Variants in CLDN14 observed in about 807,000 individuals in gnomAD.
The protein encoded by CLDN14 is claudin-14.
CLDN14 carries 2 observed loss-of-function variants against 2.1 expected under a neutral mutation model. The ratio of observed to expected loss-of-function variants is 0.96; its 90% CI spans 0.39 to 3.01. The LOEUF is 3.01. Ranked by LOEUF, CLDN14 falls within the 30% of genes most tolerant of loss-of-function variation. CLDN14 has a pLI of 0.09. For synonymous variants in CLDN14, 136 were observed against 154.4 expected, an observed-to-expected ratio of 0.88 and a Z score of 0.88; for missense variants, 298 against 328.0, an observed-to-expected ratio of 0.91 and a Z score of 0.71.
intron 1 of CLDN14, among the ~76,000 whole-genome samples, chr21:36,534,775 C>A (rs1003409410): frequency 2.0e-5 from 3 of 152,188 alleles, no homozygotes; most frequent in Non-Finnish European, 4.4e-5. Flanking sequence ...CTTGCTCATT[C>A]CCCTGGGCAA....
rs904623443 is a variant in CLDN14 at position 36,575,461 on chromosome 21, G to A, written c.-220+950C>T. On this transcript the variant is annotated intron_variant, in intron 1 of 2. Transcript: ENST00000342108. ...AGGAGGGTGAAGTAACTTCTATCGA[G>A]TATGTGTCAGGGTTAGGGTTTTGAC... Among the ~76,000 whole-genome samples the A allele has an allele frequency of 2.0e-5, 3 of 152,154 alleles. No homozygotes were observed. In the East Asian group the frequency reaches 5.8e-4, roughly 29 times the overall value.
chr21:36,470,173 G>A (rs965135059), intron 1 of CLDN14, among the ~76,000 whole-genome samples: 1 of 152,128 alleles, frequency 6.6e-6, no homozygotes, highest in Non-Finnish European at 1.5e-5. Context: ...GGGATGCAAT[G>A]GATTGACCTG....
rs76382731 is a variant in CLDN14 at position 36,475,675 on chromosome 21, C to T, written c.-82+3820G>A. ...AAGTGATCCTCCCGCCTCAGCCTTC[C>T]GAGTAGCTGGAACTTCAGGTGTGAG... On this transcript the variant is annotated intron_variant, in intron 1 of 1. Transcript: ENST00000399135. Among the ~76,000 whole-genome samples, 74 of 152,312 alleles carry T rather than the reference C, an allele frequency of 4.9e-4. 1 individual carries two copies. In the East Asian group the frequency reaches 9.1e-3, roughly 19 times the overall value.
rs146966387 is a variant in CLDN14 at position 36,538,413 on chromosome 21, A to T, written c.-219-27913T>A. Among the ~76,000 whole-genome samples the T allele has an allele frequency of 5.2e-4, 79 of 152,302 alleles. No homozygotes were observed. In the East Asian group the frequency reaches 0.015, roughly 28 times the overall value. ...AGCGGATCACAAGGTCAAGAGATCG[A>T]GACCATCCTGGCCAACATAGTGAAA... On this transcript the variant is annotated intron_variant, in intron 1 of 2. Transcript: ENST00000342108.
rs1206103393 is a variant in CLDN14, at chr21:36,476,341, TACAA to T, written c.-82+3150_-82+3153del. On this transcript the variant is annotated intron_variant, in intron 1 of 1. Transcript: ENST00000399135. ...CCAGAGCCCCACGGAAGCCTGTTCT[TACAA>T]CCTGGGTCCTCTTCCTGGGACCCCA... Among the ~76,000 whole-genome samples the T allele has an allele frequency of 5.3e-5, 8 of 152,316 alleles. No individual in the cohort carries two copies. The East Asian group carries it at 1.4e-3, about 26-fold the overall frequency.
intron 1 of CLDN14, among the ~76,000 whole-genome samples, chr21:36,519,073 C>T (rs908507913): frequency 6.6e-6 from 1 of 152,214 alleles, no homozygotes; most frequent in African/African-American, 2.4e-5. Flanking sequence ...CACTTCACAC[C>T]ACGAGGACCT....
chr21:36,475,284 A>G (rs1236352434), intron 1 of CLDN14, among the ~76,000 whole-genome samples: 1 of 152,230 alleles, frequency 6.6e-6, no homozygotes, highest in South Asian at 2.1e-4. Flanking sequence ...TGTGAACATC[A>G]TGGCGGGCCG....
intron 2 of CLDN14, among the ~76,000 whole-genome samples, chr21:36,490,129 C>A (rs1327275750): frequency 1.3e-5 from 2 of 152,216 alleles, no homozygotes; most frequent in East Asian, 3.8e-4. Flanking sequence ...TCAGAGGCTC[C>A]ACAGACACTC....
At chr21:36,534,396 C>A (rs1424439801) in intron 1 of CLDN14, among the ~76,000 whole-genome samples, 1 of 152,156 alleles carries the variant, frequency 6.6e-6, no homozygotes, top group African/African-American at 2.4e-5. Context: ...GGACGATCCC[C>A]CCGTGGGAAC....
intron 1 of CLDN14, among the ~76,000 whole-genome samples, chr21:36,472,077 C>T (rs1016453725): frequency 1.3e-5 from 2 of 152,186 alleles, no homozygotes; most frequent in Admixed American, 6.5e-5. Flanking sequence ...TTAAACAAAT[C>T]GCAATGCGCA....
At chr21:36,564,509 A>G (rs1425159236) in intron 1 of CLDN14, among the ~76,000 whole-genome samples, 1 of 152,222 alleles carries the variant, frequency 6.6e-6, no homozygotes, top group East Asian at 1.9e-4. Flanking sequence ...CTTGGCTGAC[A>G]CTGAGAGAAG....
intron 1 of CLDN14, among the ~76,000 whole-genome samples, chr21:36,571,254 C>A (rs2087708540): frequency 6.6e-6 from 1 of 152,210 alleles, no homozygotes; most frequent in African/African-American, 2.4e-5. Flanking sequence ...GAAAAATAAG[C>A]CGGTTAGAGC....
chr21:36,503,729 G>A (rs2087108057), intron 2 of CLDN14, among the ~76,000 whole-genome samples: 1 of 152,004 alleles, frequency 6.6e-6, no homozygotes, highest in African/African-American at 2.4e-5. Context: ...AATGGAGTTA[G>A]GTCTGATTAA....
intron 1 of CLDN14, among the ~76,000 whole-genome samples, chr21:36,568,412 A>G (rs938871792): frequency 2.0e-5 from 3 of 152,218 alleles, no homozygotes; most frequent in African/African-American, 7.2e-5. Flanking sequence ...CCCAGCTAGG[A>G]AAAAAATGCC....
At chr21:36,483,882 T>C (rs59125211), upstream of CLDN14, among the ~76,000 whole-genome samples, 12,865 of 152,110 alleles carry the variant, frequency 0.085, 605 homozygotes, top group African/African-American at 0.11. Flanking sequence ...GCTGGTGATA[T>C]AGGCAGGAAA....
intron 1 of CLDN14, among the ~76,000 whole-genome samples, chr21:36,547,852 G>T (rs145068277): frequency 8.5e-5 from 13 of 152,318 alleles, no homozygotes; most frequent in Admixed American, 8.5e-4. Context: ...ATCCTCCAAA[G>T]GACACAGCTA....
intron 1 of CLDN14, among the ~76,000 whole-genome samples, chr21:36,464,459 G>A (rs1265372493): frequency 6.6e-6 from 1 of 152,210 alleles, no homozygotes; most frequent in African/African-American, 2.4e-5. Flanking sequence ...CACTATGCAC[G>A]ATGCTGGCTT....
chr21:36,510,846 G>A (rs1162501536), intron 1 of CLDN14, among the ~76,000 whole-genome samples: 3 of 152,216 alleles, frequency 2.0e-5, no homozygotes, highest in East Asian at 1.9e-4. Flanking sequence ...TGTTGGGGAC[G>A]CCAGTAAAGG....
chr21:36,486,581 G>A (rs752763743), intron 2 of CLDN14: 1 of 1,554,750 alleles, frequency 6.4e-7, no homozygotes, highest in South Asian at 1.1e-5. Flanking sequence ...GGGCCCAGGA[G>A]GCACTGCCAC....
Sources: allele counts gnomAD v4.1 joint callset (sites outside exome capture counted in the v4.1 genomes callset), GRCh38; gene constraint gnomAD v4.1.1; transcripts MANE v1.5; gene names NCBI Gene and HGNC (gene_info 2026-07-23, HGNC 2026-07-21).